NEBL: variants seen among roughly 807,000 people sequenced by gnomAD.
The protein encoded by NEBL is LIM and SH3 protein 2.
A neutral mutation model predicts 140.2 loss-of-function variants in NEBL; 122 were observed. That is an observed-to-expected ratio of 0.87 (90% CI 0.75 to 1.01). The LOEUF (loss-of-function observed/expected upper bound fraction) is 1.01, where lower values mean the gene tolerates loss of function less well. Among genes scored for constraint, NEBL ranks in the 50% least tolerant of loss-of-function variants. NEBL has a pLI of 0.00. For synonymous variants in NEBL, 436 were observed against 398.9 expected, an observed-to-expected ratio of 1.09 and a Z score of -1.11; for missense variants, 1,365 against 1,231.3, an observed-to-expected ratio of 1.11 and a Z score of -1.62.
At chr10:21,164,040 G>A (rs2132161104) in intron 2 of NEBL, among the ~76,000 whole-genome samples, 3 of 152,330 alleles carry the variant, frequency 2.0e-5, no homozygotes, top group Middle Eastern at 6.8e-3. Flanking sequence ...TTCGACCAGA[G>A]AGGCCTGAAG....
At chr10:21,282,992 C>T (rs1380497731) in intron 1 of NEBL, among the ~76,000 whole-genome samples, 2 of 151,936 alleles carry the variant, frequency 1.3e-5, no homozygotes, top group South Asian at 2.1e-4. Flanking sequence ...AAAAATTAGC[C>T]AGGCATGGTG....
upstream of NEBL, among the ~76,000 whole-genome samples, chr10:20,898,757 C>A (rs920183705): frequency 1.3e-5 from 2 of 152,138 alleles, no homozygotes; most frequent in African/African-American, 4.8e-5. Context: ...TTTATCTCAT[C>A]AAATCTAATC....
chr10:20,792,431 T>C (rs1836089637), intron 26 of NEBL, among the ~76,000 whole-genome samples: 1 of 152,290 alleles, frequency 6.6e-6, no homozygotes, highest in South Asian at 2.1e-4. Context: ...CAGAGAGGAA[T>C]TGCTAAAAGA....
rs1835183005 is a variant in NEBL, at chr10:20,783,810, A to T, written c.*1937T>A. ...TTTGTAGGTTTGTGTACAATATACC[A>T]AAACAGATATGGGGTTTTATCACTT... On this transcript the variant is annotated 3_prime_UTR_variant, in exon 28 of 28. Coordinates refer to ENST00000377122, the MANE Select transcript of NEBL (RefSeq NM_006393.3). 1.3e-5 allele frequency: 2 copies of T among 152,640 alleles called. No homozygotes were observed. 9.5% of individuals were successfully genotyped at this position (152,640 alleles called of 1,614,324 possible).
intron 2 of NEBL, among the ~76,000 whole-genome samples, chr10:21,167,705 G>A (rs1399562540): frequency 6.6e-6 from 1 of 152,222 alleles, no homozygotes; most frequent in Non-Finnish European, 1.5e-5. Flanking sequence ...TATACTCATT[G>A]TGTGGCTTGC....
In NEBL at chr10:20,945,662, C is replaced by T. The variant is rs1835119930; in HGVS notation, c.357+16010G>A. Among the ~76,000 whole-genome samples, 3 of 152,164 alleles carry T rather than the reference C, an allele frequency of 2.0e-5. No individual in the cohort carries two copies. In the South Asian group the frequency reaches 6.2e-4, roughly 32 times the overall value. On this transcript the variant is annotated intron_variant, in intron 4 of 6. Coordinates refer to the NEBL transcript ENST00000417816. The stretch of plus-strand genomic sequence containing the variant: ...GGAATTTCAAAATTTGGTCCTAATA[C>T]TCACCATGCAGATCCCAAAATGCCG...
intron 19 of NEBL, among the ~76,000 whole-genome samples, chr10:20,822,497 G>A (rs1027525360): frequency 6.6e-6 from 1 of 151,200 alleles, no homozygotes; most frequent in Non-Finnish European, 1.5e-5. Flanking sequence ...TTGCTTTGTA[G>A]ACTAATATAT....
At chr10:20,831,997 T>C (rs1840461759) in intron 14 of NEBL, among the ~76,000 whole-genome samples, 1 of 152,186 alleles carries the variant, frequency 6.6e-6, no homozygotes, top group Non-Finnish European at 1.5e-5. Context: ...TTCCCCTTCA[T>C]TGGCTCCCTA....
intron 1 of NEBL, among the ~76,000 whole-genome samples, chr10:21,292,636 A>G (rs57325603): frequency 0.017 from 2,575 of 152,298 alleles, 63 homozygotes; most frequent in African/African-American, 0.058. Context: ...CTATTCTTTT[A>G]AAAAGGACTT....
chr10:21,237,026 A>C (rs998654967), intron 3 of NEBL, among the ~76,000 whole-genome samples: 1 of 152,158 alleles, frequency 6.6e-6, no homozygotes, highest in Non-Finnish European at 1.5e-5. Flanking sequence ...GCAGCCTGAC[A>C]CCTAAGCCCA....
At chr10:21,248,139 T>C (rs1448898570) in intron 2 of NEBL, 4 of 202,848 alleles carry the variant, frequency 2.0e-5, no homozygotes, top group African/African-American at 9.5e-5. Flanking sequence ...GGTGCAATCA[T>C]GGCTCGCTGC....
At chr10:20,975,053 G>A (rs1389588203) in intron 3 of NEBL, among the ~76,000 whole-genome samples, 1 of 152,026 alleles carries the variant, frequency 6.6e-6, no homozygotes, top group Admixed American at 6.6e-5. Context: ...ACTCCAAATG[G>A]TCCCCTCAGC....
At chr10:20,849,219 C>G (rs1273320318) in intron 11 of NEBL, among the ~76,000 whole-genome samples, 2 of 151,856 alleles carry the variant, frequency 1.3e-5, no homozygotes, top group African/African-American at 4.8e-5. Context: ...AACACACACA[C>G]ATACACACAC....
intron 24 of NEBL, among the ~76,000 whole-genome samples, chr10:20,810,308 G>A (rs1838010915): frequency 6.6e-6 from 1 of 152,028 alleles, no homozygotes; most frequent in Non-Finnish European, 1.5e-5. Flanking sequence ...TTCTGATTCA[G>A]GACATGTGAG....
At chr10:21,152,256 T>C (rs531143357) in intron 2 of NEBL, among the ~76,000 whole-genome samples, 5 of 152,286 alleles carry the variant, frequency 3.3e-5, no homozygotes, top group Admixed American at 3.3e-4. Flanking sequence ...TGACTTCCAA[T>C]GATCATCAAC....
In NEBL at chr10:20,831,466, G is replaced by T. The variant is rs758903630; in HGVS notation, c.1560+7C>A. 4 of 1,592,406 alleles carry T rather than the reference G, an allele frequency of 2.5e-6. No individual in the cohort carries two copies. The highest frequency in any genetic ancestry group is 3.4e-6 in the Non-Finnish European group (4 of 1,161,574). On this transcript the variant is annotated splice_region_variant and intron_variant, in intron 15 of 27. Transcript: ENST00000377122. Reference sequence around the variant, plus strand: ...ATTTTAAACTTTGTATCTTGCTGCTGTCTTACCTGGCTGGCCATCTCGGAT... The same window carrying T: ...ATTTTAAACTTTGTATCTTGCTGCTTTCTTACCTGGCTGGCCATCTCGGAT...
chr10:20,844,394 A>G (rs1743512619), intron 12 of NEBL, among the ~76,000 whole-genome samples: 2 of 150,660 alleles, frequency 1.3e-5, no homozygotes, highest in Admixed American at 6.7e-5. Flanking sequence ...TATAAGATAT[A>G]TATACAAATA....
intron 3 of NEBL, among the ~76,000 whole-genome samples, chr10:21,017,945 C>T (rs1838623058): frequency 6.6e-6 from 1 of 151,942 alleles, no homozygotes; most frequent in Non-Finnish European, 1.5e-5. Context: ...TTCAGTCTCT[C>T]GAGTAGTTGG....
chr10:21,065,665 T>C (rs1835500226), intron 2 of NEBL, among the ~76,000 whole-genome samples: 2 of 152,222 alleles, frequency 1.3e-5, no homozygotes, highest in East Asian at 1.9e-4. Flanking sequence ...GTGGCATTTA[T>C]TGAGCACCTG....
Sources: allele counts gnomAD v4.1 joint callset (sites outside exome capture counted in the v4.1 genomes callset), GRCh38; gene constraint gnomAD v4.1.1; transcripts MANE v1.5; gene names NCBI Gene and HGNC (gene_info 2026-07-23, HGNC 2026-07-21).